The following JCAD variants were observed in gnomAD, a reference collection of about 807,000 sequenced individuals.
The protein encoded by JCAD is junctional cadherin 5-associated protein.
JCAD carries 40 observed loss-of-function variants against 98.0 expected under a neutral mutation model. That is an observed-to-expected ratio of 0.41 (90% CI 0.32 to 0.53). The LOEUF (loss-of-function observed/expected upper bound fraction) is 0.53, where lower values mean the gene tolerates loss of function less well. Ranked by LOEUF, JCAD falls within the 20% of genes least tolerant of loss-of-function variation. The pLI is 0.31. For missense variants in JCAD, 1,705 were observed against 1,738.1 expected (o/e 0.98, Z 0.34); for synonymous variants, 691 against 682.3 (o/e 1.01, Z -0.20).
At chr10:30,105,340 G>C (rs1838554104) in intron 1 of JCAD, among the ~76,000 whole-genome samples, 1 of 150,888 alleles carries the variant, frequency 6.6e-6, no homozygotes. Flanking sequence ...CTCTCTGTCT[G>C]TTTTCTTTTC....
upstream of JCAD, chr10:30,059,628 C>CGCCCACCGCCCGGGCCCGCCCA: frequency 6.6e-6 from 1 of 152,602 alleles, no homozygotes; most frequent in African/African-American, 2.4e-5. The surrounding 1 kb of genome is among the most constrained non-coding windows in gnomAD (Gnocchi z 5.0). Flanking sequence ...GGGCCCGCCC[C>CGCCCACCGCCCGGGCCCGCCCA]GCCCACCGCC....
chr10:30,027,368 G>T lies in JCAD; in HGVS notation c.2780C>A (p.Ala927Asp), dbSNP rs373707873. 1 of 1,609,698 alleles carries T rather than the reference G, an allele frequency of 6.2e-7. No individual in the cohort carries two copies. The highest frequency in any genetic ancestry group is 2.2e-5 in the East Asian group (1 of 44,866). The part of the protein sequence containing the change: ...SEELQPGHPR[A>D]WPPSPGRFRV... ...AAAGCGGCCCGGGGATGGAGGCCAG[G>T]CACGTGGGTGGCCAGGCTGCAGCTC... is the stretch of plus-strand genomic sequence containing the variant. Residue 927 changes from alanine (A) to aspartate (D), a missense_variant, in exon 3 of 4, where the codon GCC becomes GAC. Coordinates refer to ENST00000375377, the MANE Select transcript of JCAD (RefSeq NM_020848.4).
intron 1 of JCAD, among the ~76,000 whole-genome samples, chr10:30,094,007 C>A (rs747493791): frequency 6.6e-6 from 1 of 152,084 alleles, no homozygotes; most frequent in African/African-American, 2.4e-5. Context: ...ACACTTTGCT[C>A]GGCTCATGAG....
chr10:30,024,142 G>C (rs1346712978), intron 3 of JCAD, among the ~76,000 whole-genome samples: 2 of 152,172 alleles, frequency 1.3e-5, no homozygotes, highest in Non-Finnish European at 2.9e-5. Context: ...TCCAGCCTGG[G>C]CCACAGAGTG....
At chr10:30,023,802 T>C (rs559256037) in intron 3 of JCAD, among the ~76,000 whole-genome samples, 4 of 152,260 alleles carry the variant, frequency 2.6e-5, no homozygotes, top group Admixed American at 6.5e-5. Context: ...AAATTTGCAT[T>C]ACCTGGGTGT....
intron 1 of JCAD, among the ~76,000 whole-genome samples, chr10:30,050,445 C>T (rs907290875): frequency 2.0e-5 from 3 of 151,674 alleles, no homozygotes; most frequent in African/African-American, 7.3e-5. Flanking sequence ...GTCAGCATCA[C>T]AGTTAAAGTT....
chr10:30,111,397 G>A (rs1351514900), intron 1 of JCAD, among the ~76,000 whole-genome samples: 2 of 152,170 alleles, frequency 1.3e-5, no homozygotes, highest in Non-Finnish European at 2.9e-5. Context: ...GAAGATTGGA[G>A]AGACCTTAGG....
At chr10:30,055,350 A>G (rs1837549226) in intron 1 of JCAD, among the ~76,000 whole-genome samples, 1 of 152,268 alleles carries the variant, frequency 6.6e-6, no homozygotes, top group Non-Finnish European at 1.5e-5. Context: ...TATGATTAAT[A>G]TATAACAAAG....
rs768780127 is a variant in JCAD, at chr10:30,029,350, T to G, written c.798A>C (p.Ala266=). 2.0e-5 allele frequency: 32 copies of G among 1,613,770 alleles called. 2 individuals are homozygous for G. The South Asian group carries it at 2.6e-4, about 13-fold the overall frequency. Residue 266 remains alanine, a synonymous_variant, in exon 3 of 4, where the codon GCA becomes GCC. Coordinates refer to ENST00000375377, the MANE Select transcript of JCAD (RefSeq NM_020848.4). ...PKMPPYPPTC[A]PNLDSTRNSE... The stretch of plus-strand genomic sequence containing the variant: ...AATTCCTCGTGGAGTCCAAATTTGG[T>G]GCGCAAGTGGGAGGATACGGTGGCA...
intron 2 of JCAD, among the ~76,000 whole-genome samples, chr10:30,039,040 C>T (rs561782909): frequency 6.6e-6 from 1 of 152,290 alleles, no homozygotes; most frequent in African/African-American, 2.4e-5. Flanking sequence ...TAAATGAGCC[C>T]ACTCCTTTTA....
chr10:30,102,595 C>T (rs931411918), intron 1 of JCAD, among the ~76,000 whole-genome samples: 1 of 152,160 alleles, frequency 6.6e-6, no homozygotes, highest in East Asian at 1.9e-4. Flanking sequence ...CAACACCTTC[C>T]GCTTTCTACC....
At chr10:30,057,821 C>A (rs1282025965) in intron 1 of JCAD, among the ~76,000 whole-genome samples, 2 of 152,152 alleles carry the variant, frequency 1.3e-5, no homozygotes, top group Non-Finnish European at 2.9e-5. Flanking sequence ...GAATTAGACA[C>A]CTAATGTCAA....
chr10:30,035,509 T>C (rs1011731878), intron 2 of JCAD, among the ~76,000 whole-genome samples: 1 of 152,096 alleles, frequency 6.6e-6, no homozygotes, highest in Non-Finnish European at 1.5e-5. Context: ...CCCATGGGGG[T>C]CGCTCTGGTA....
chr10:30,109,792 C>T (rs945107123), intron 1 of JCAD, among the ~76,000 whole-genome samples: 2 of 152,130 alleles, frequency 1.3e-5, no homozygotes, highest in Admixed American at 1.3e-4. Context: ...ATATGGGCCC[C>T]TTGATGTATG....
chr10:30,057,307 T>C (rs1488521191), intron 1 of JCAD, among the ~76,000 whole-genome samples: 1 of 152,254 alleles, frequency 6.6e-6, no homozygotes, highest in East Asian at 1.9e-4. Context: ...CTTTCTGTAC[T>C]GATAACATTT....
At chr10:30,095,158 C>T (rs1263140896) in intron 1 of JCAD, among the ~76,000 whole-genome samples, 1 of 152,132 alleles carries the variant, frequency 6.6e-6, no homozygotes, top group Non-Finnish European at 1.5e-5. Flanking sequence ...GGGTCCTTCC[C>T]TGGTTCATGC....
At chr10:30,093,928 C>T (rs564259077) in intron 1 of JCAD, among the ~76,000 whole-genome samples, 122 of 152,340 alleles carry the variant, frequency 8.0e-4, no homozygotes, top group African/African-American at 2.9e-3. Flanking sequence ...ATTGGGTCCT[C>T]TCCTGAAAGC....
rs1039219681 is a variant in JCAD at position 30,016,282 on chromosome 10, C to G, written c.*1601G>C. 6 of 150,470 alleles carry G rather than the reference C, an allele frequency of 4.0e-5. No individual in the cohort carries two copies. The highest frequency in any genetic ancestry group is 1.5e-4 in the African/African-American group (6 of 40,718). 9.3% of individuals were successfully genotyped at this position (150,470 alleles called of 1,614,324 possible). ...TCTAAAAATAGATAAGGTGGTTTCTCTAAAAGAAAATAAAATGAAAGAGAA... is the reference window on the plus strand; with the variant it reads ...TCTAAAAATAGATAAGGTGGTTTCTGTAAAAGAAAATAAAATGAAAGAGAA... On this transcript the variant is annotated 3_prime_UTR_variant, in exon 4 of 4. Coordinates refer to ENST00000375377, the MANE Select transcript of JCAD (RefSeq NM_020848.4).
At chr10:30,019,357 CAAAAAAA>C (rs58164754) in intron 3 of JCAD, among the ~76,000 whole-genome samples, 1 of 100,308 alleles carries the variant, frequency 1.0e-5, no homozygotes, top group Non-Finnish European at 2.0e-5. Flanking sequence ...AACTCTGTCT[CAAAAAAA>C]AAAAAAAAAA....
Sources: allele counts gnomAD v4.1 joint callset (sites outside exome capture counted in the v4.1 genomes callset), GRCh38; gene constraint gnomAD v4.1.1; non-coding constraint Gnocchi (gnomAD v3.1); transcripts MANE v1.5; gene names NCBI Gene and HGNC (gene_info 2026-07-23, HGNC 2026-07-21).